NELL1: variants seen among roughly 807,000 people sequenced by gnomAD.
NELL1 encodes the protein neural EGFL like 1, also known as protein kinase C-binding protein NELL1.
Under a neutral mutation model 107.4 loss-of-function variants are expected in NELL1, and 76 were observed. The observed-to-expected ratio is 0.71, with a 90% CI of 0.59 to 0.86. The LOEUF is 0.86. NELL1 is among the 40% of genes least tolerant of loss of function. The pLI, the probability that NELL1 is intolerant of heterozygous loss-of-function variation, is 0.00. For missense variants in NELL1, 1,024 were observed against 1,005.5 expected (o/e 1.02, Z -0.25); for synonymous variants, 353 against 341.2 (o/e 1.03, Z -0.38).
intron 12 of NELL1, among the ~76,000 whole-genome samples, chr11:20,975,969 A>ATATACAT (rs1379507226): frequency 1.8e-4 from 26 of 142,458 alleles, no homozygotes; most frequent in African/African-American, 6.3e-4. Flanking sequence ...TATATACATT[A>ATATACAT]TATATATTAT....
At chr11:20,849,192 T>C (rs1454898679) in intron 4 of NELL1, among the ~76,000 whole-genome samples, 1 of 152,236 alleles carries the variant, frequency 6.6e-6, no homozygotes, top group Non-Finnish European at 1.5e-5. Flanking sequence ...CTGCTTGTCC[T>C]TCTAAGCCAC....
At chr11:20,829,325 C>T (rs1857954820) in intron 3 of NELL1, among the ~76,000 whole-genome samples, 1 of 148,418 alleles carries the variant, frequency 6.7e-6, no homozygotes, top group Non-Finnish European at 1.5e-5. Flanking sequence ...CTCTCAGGTT[C>T]AAGCAATTCT....
At chr11:21,227,305 G>T (rs181697564) in intron 13 of NELL1, among the ~76,000 whole-genome samples, 110 of 152,170 alleles carry the variant, frequency 7.2e-4, no homozygotes, top group African/African-American at 2.5e-3. Flanking sequence ...TGTTATCCCA[G>T]TGTAATTATT....
chr11:21,039,704 T>C (rs1337806714), intron 12 of NELL1, among the ~76,000 whole-genome samples: 1 of 152,176 alleles, frequency 6.6e-6, no homozygotes, highest in Non-Finnish European at 1.5e-5. Context: ...TGCAATAATA[T>C]GGCAGGTTTG....
chr11:20,931,585 TA>T (rs1850619790), intron 9 of NELL1, among the ~76,000 whole-genome samples: 1 of 151,984 alleles, frequency 6.6e-6, no homozygotes, highest in African/African-American at 2.4e-5. Context: ...TAATAAAATA[TA>T]AAAAAAGACA....
chr11:21,355,661 G>T (rs1253629899), intron 14 of NELL1, among the ~76,000 whole-genome samples: 3 of 152,194 alleles, frequency 2.0e-5, no homozygotes, highest in South Asian at 2.1e-4. Flanking sequence ...TGACCACAAG[G>T]TTAGGATTAA....
chr11:21,224,078 A>G (rs974334401), intron 13 of NELL1, among the ~76,000 whole-genome samples: 1 of 152,016 alleles, frequency 6.6e-6, no homozygotes, highest in Non-Finnish European at 1.5e-5. Context: ...TTTTCCTCTC[A>G]GTTTTTAGCA....
intron 2 of NELL1, among the ~76,000 whole-genome samples, chr11:20,704,444 T>G (rs1429647918): frequency 1.3e-5 from 2 of 152,208 alleles, no homozygotes; most frequent in Non-Finnish European, 2.9e-5. Flanking sequence ...CTGATGGGTC[T>G]TGACTCTTTA....
At chr11:21,154,882 T>C (rs1436291048) in intron 13 of NELL1, among the ~76,000 whole-genome samples, 1 of 152,172 alleles carries the variant, frequency 6.6e-6, no homozygotes, top group Non-Finnish European at 1.5e-5. Flanking sequence ...GCATAGATAA[T>C]ACGAGTTAAC....
At chr11:21,127,649 A>G (rs1208873056) in intron 13 of NELL1, among the ~76,000 whole-genome samples, 1 of 152,042 alleles carries the variant, frequency 6.6e-6, no homozygotes, top group Non-Finnish European at 1.5e-5. Context: ...GAGGGGGAGG[A>G]CAGGGAGGAG....
intron 16 of NELL1, among the ~76,000 whole-genome samples, chr11:21,558,660 A>AG (rs1236887080): frequency 6.6e-6 from 1 of 151,994 alleles, no homozygotes; most frequent in African/African-American, 2.4e-5. Context: ...CCATACATTG[A>AG]GTGGGTATAG....
chr11:20,722,808 C>G (rs542141560), intron 2 of NELL1, among the ~76,000 whole-genome samples: 18 of 152,132 alleles, frequency 1.2e-4, no homozygotes, highest in Admixed American at 5.9e-4. Flanking sequence ...CTGTATCAGT[C>G]TATTCTCACA....
rs145641255 is a variant in NELL1 at position 21,483,296 on chromosome 11, C to T, written c.1646-51078C>T. Among the ~76,000 whole-genome samples, 256 of 152,246 alleles carry T rather than the reference C, an allele frequency of 1.7e-3. 1 individual carries two copies. Among genetic ancestry groups the T allele is most frequent in the South Asian group, 2.5e-3 (12 of 4,824 alleles). The stretch of plus-strand genomic sequence containing the variant: ...CGAATCACTTTACCATGAATATAGT[C>T]GACAGAACTGCTTCCAGGTAAAGCT... On this transcript the variant is annotated intron_variant, in intron 15 of 19. Transcript: ENST00000357134.
In NELL1 at chr11:21,171,648, C is replaced by T. The variant is rs1052426088; in HGVS notation, c.1427-57684C>T. On this transcript the variant is annotated intron_variant, in intron 13 of 19. Coordinates refer to ENST00000357134, the MANE Select transcript of NELL1 (RefSeq NM_006157.5). Reference sequence around the variant, plus strand: ...AGCCACTGAAGCTTGGGCTCCTTTGCATTTCTGAATTAGGATATAGATGCT... The same window carrying T: ...AGCCACTGAAGCTTGGGCTCCTTTGTATTTCTGAATTAGGATATAGATGCT... Among the ~76,000 whole-genome samples, 6 of 151,900 alleles carry T rather than the reference C, an allele frequency of 3.9e-5. No individual in the cohort carries two copies. The South Asian group carries it at 8.3e-4, about 21-fold the overall frequency.
At chr11:20,745,298 G>A (rs184556095) in intron 2 of NELL1, among the ~76,000 whole-genome samples, 1 of 152,232 alleles carries the variant, frequency 6.6e-6, no homozygotes, top group East Asian at 1.9e-4. Context: ...CTCACACATT[G>A]ATCCAAGTAT....
chr11:21,077,707 C>T (rs1854171956), intron 12 of NELL1, among the ~76,000 whole-genome samples: 1 of 148,932 alleles, frequency 6.7e-6, no homozygotes, highest in African/African-American at 2.5e-5. Context: ...TGCATCACCG[C>T]ACTTCAGCCT....
intron 12 of NELL1, among the ~76,000 whole-genome samples, chr11:20,970,739 T>C (rs993736227): frequency 1.3e-5 from 2 of 151,904 alleles, no homozygotes; most frequent in Non-Finnish European, 2.9e-5. Context: ...AGTAAAGATA[T>C]GGTTGATAGT....
chr11:20,758,344 T>C (rs1856343773), intron 2 of NELL1, among the ~76,000 whole-genome samples: 1 of 152,076 alleles, frequency 6.6e-6, no homozygotes, highest in Non-Finnish European at 1.5e-5. Flanking sequence ...GCCTAATAAA[T>C]CCAAACTCCT....
chr11:21,383,945 T>A (rs959198661), intron 15 of NELL1: 1 of 151,938 alleles, frequency 6.6e-6, no homozygotes, highest in Admixed American at 6.6e-5. Flanking sequence ...TTCATTATAT[T>A]TGATGGCAAA....
Sources: allele counts gnomAD v4.1 joint callset (sites outside exome capture counted in the v4.1 genomes callset), GRCh38; gene constraint gnomAD v4.1.1; transcripts MANE v1.5; gene names NCBI Gene and HGNC (gene_info 2026-07-23, HGNC 2026-07-21).